SGCZ: variants seen among roughly 807,000 people sequenced by gnomAD.
SGCZ encodes the protein zeta-sarcoglycan.
Under a neutral mutation model 41.3 loss-of-function variants are expected in SGCZ, and 40 were observed. That is an observed-to-expected ratio of 0.97 (90% CI 0.75 to 1.26). The LOEUF is 1.26. SGCZ is among the 50% of genes most tolerant of loss of function. The pLI is 0.00. For synonymous variants in SGCZ, 206 were observed against 137.5 expected (o/e 1.50, Z -3.49); for missense variants, 552 against 369.8 (o/e 1.49, Z -4.04).
intron 2 of SGCZ, among the ~76,000 whole-genome samples, chr8:14,542,407 TTATTCACTAATGACTATTTAGTA>T (rs1803497738): frequency 6.6e-6 from 1 of 152,234 alleles, no homozygotes; most frequent in South Asian, 2.1e-4. Flanking sequence ...GAAAATTCTT[TTATTCACTAATGACTATTTAGTA>T]TATTTTGGAA....
At chr8:14,225,512 A>G (rs11776860) in intron 4 of SGCZ, among the ~76,000 whole-genome samples, 49,686 of 151,964 alleles carry the variant, frequency 0.33, 8,439 homozygotes, top group African/African-American at 0.41. Context: ...AGAAATCAAC[A>G]TGATAGTCAG....
chr8:14,230,872 C>G (rs1408117811), intron 4 of SGCZ, among the ~76,000 whole-genome samples: 2 of 151,346 alleles, frequency 1.3e-5, no homozygotes, highest in African/African-American at 4.8e-5. Context: ...ATTTGTGAAA[C>G]ACGAAAGAGT....
chr8:14,218,084 T>C (rs1455282682), intron 4 of SGCZ, among the ~76,000 whole-genome samples: 1 of 152,174 alleles, frequency 6.6e-6, no homozygotes, highest in Non-Finnish European at 1.5e-5. Context: ...GGATATCTAC[T>C]TGACCACTCT....
chr8:14,269,468 T>G (rs766013093), intron 3 of SGCZ, among the ~76,000 whole-genome samples: 11 of 152,070 alleles, frequency 7.2e-5, no homozygotes, highest in Non-Finnish European at 1.3e-4. Flanking sequence ...AGGCACTGCA[T>G]CAGAAATATA....
chr8:14,897,468 G>A (rs542621578), intron 1 of SGCZ, among the ~76,000 whole-genome samples: 9 of 152,228 alleles, frequency 5.9e-5, no homozygotes, highest in East Asian at 3.9e-4. Flanking sequence ...AGTTCTGGAC[G>A]GTTTGGCTCT....
intron 2 of SGCZ, among the ~76,000 whole-genome samples, chr8:14,352,836 T>G (rs1276633866): frequency 6.6e-6 from 1 of 152,160 alleles, no homozygotes; most frequent in African/African-American, 2.4e-5. Context: ...CAGTCATATT[T>G]TTAGGTGTCT....
chr8:14,707,966 T>C (rs945723156), intron 1 of SGCZ, among the ~76,000 whole-genome samples: 2 of 152,088 alleles, frequency 1.3e-5, no homozygotes, highest in Non-Finnish European at 2.9e-5. Flanking sequence ...ATATGTACTA[T>C]AATTAACAAA....
chr8:14,404,423 A>G (rs1799157292), intron 2 of SGCZ, among the ~76,000 whole-genome samples: 1 of 152,166 alleles, frequency 6.6e-6, no homozygotes, highest in African/African-American at 2.4e-5. Context: ...TTGAGCATTC[A>G]AAGAGGCAGG....
chr8:14,543,149 A>G (rs1585064361), intron 2 of SGCZ, among the ~76,000 whole-genome samples: 1 of 151,884 alleles, frequency 6.6e-6, no homozygotes, highest in African/African-American at 2.4e-5. Context: ...ATGTATTTTC[A>G]CAATTGTTCT....
Position 14,116,769 on chromosome 8 carries a change from T to C in SGCZ, c.548-8534A>G, listed in dbSNP as rs1412227332. On this transcript the variant is annotated intron_variant, in intron 5 of 7. Transcript: ENST00000382080. Reference sequence around the variant, plus strand: ...TTTACTTTCATTTGTTTTTTAACCATAAGAGGACTGGTAGCATTCTTTTTA... The same window carrying C: ...TTTACTTTCATTTGTTTTTTAACCACAAGAGGACTGGTAGCATTCTTTTTA... Among the ~76,000 whole-genome samples, 5 of 152,238 alleles carry C rather than the reference T, an allele frequency of 3.3e-5. No individual in the cohort carries two copies. The East Asian group carries it at 7.7e-4, about 24-fold the overall frequency.
intron 5 of SGCZ, among the ~76,000 whole-genome samples, chr8:14,156,766 C>T (rs946405439): frequency 6.6e-5 from 10 of 152,222 alleles, no homozygotes; most frequent in African/African-American, 1.9e-4. Context: ...CCCAGGTCTA[C>T]AAAGAATCAA....
At chr8:14,731,891 A>G (rs1344989529) in intron 1 of SGCZ, among the ~76,000 whole-genome samples, 1 of 152,140 alleles carries the variant, frequency 6.6e-6, no homozygotes, top group Non-Finnish European at 1.5e-5. Flanking sequence ...AACACCTAGC[A>G]GATCTCTGAC....
chr8:14,213,789 A>G (rs146053959), intron 4 of SGCZ, among the ~76,000 whole-genome samples: 1 of 152,160 alleles, frequency 6.6e-6, no homozygotes, highest in African/African-American at 2.4e-5. Context: ...TAAGAAATGT[A>G]AAAGATCATG....
intron 4 of SGCZ, among the ~76,000 whole-genome samples, chr8:14,187,626 A>G (rs1217749309): frequency 6.6e-6 from 1 of 152,130 alleles, no homozygotes; most frequent in Non-Finnish European, 1.5e-5. Flanking sequence ...AGAAAAAAAG[A>G]ATTAATGATA....
At chr8:15,099,798 T>C (rs544618231) in intron 1 of SGCZ, among the ~76,000 whole-genome samples, 5 of 152,066 alleles carry the variant, frequency 3.3e-5, no homozygotes, top group South Asian at 2.1e-4. Flanking sequence ...TGGTTCAACA[T>C]TGAAAAATAA....
chr8:14,517,773 A>G (rs1247581389), intron 2 of SGCZ, among the ~76,000 whole-genome samples: 1 of 151,806 alleles, frequency 6.6e-6, no homozygotes, highest in East Asian at 1.9e-4. Context: ...TTAGCTCTTC[A>G]TGATATAATT....
chr8:14,112,482 G>C (rs913359850), intron 5 of SGCZ, among the ~76,000 whole-genome samples: 8 of 152,060 alleles, frequency 5.3e-5, no homozygotes, highest in Non-Finnish European at 8.8e-5. Flanking sequence ...AGGAACAGAA[G>C]ATTCCTATTT....
At chr8:14,693,867 T>C (rs1241937471) in intron 1 of SGCZ, among the ~76,000 whole-genome samples, 2 of 152,022 alleles carry the variant, frequency 1.3e-5, no homozygotes, top group Non-Finnish European at 2.9e-5. Flanking sequence ...GCTGGGATTA[T>C]AGGCCTGAGC....
chr8:15,233,089 T>C (rs1435388814), intron 1 of SGCZ, among the ~76,000 whole-genome samples: 2 of 151,786 alleles, frequency 1.3e-5, no homozygotes, highest in Non-Finnish European at 2.9e-5. Flanking sequence ...AAGTTATGAT[T>C]CCTTTAGATG....
Sources: allele counts gnomAD v4.1 joint callset (sites outside exome capture counted in the v4.1 genomes callset), GRCh38; gene constraint gnomAD v4.1.1; transcripts MANE v1.5; gene names NCBI Gene and HGNC (gene_info 2026-07-23, HGNC 2026-07-21).